SPG11: variants seen among roughly 807,000 people sequenced by gnomAD.
SPG11 encodes the protein SPG11 vesicle trafficking associated, spatacsin.
Under a neutral mutation model 274.0 loss-of-function variants are expected in SPG11, and 222 were observed. The observed-to-expected ratio is 0.81, with a 90% CI of 0.73 to 0.91. The LOEUF is 0.91. SPG11 is among the 40% of genes least tolerant of loss of function. The pLI is 0.00. For synonymous variants in SPG11, 1,144 were observed against 1,039.7 expected (o/e 1.10, Z -1.93); for missense variants, 3,114 against 2,872.7 (o/e 1.08, Z -1.92).
At chr15:44,635,891 T>TGAGTGACA (rs1289177253) in intron 7 of SPG11, among the ~76,000 whole-genome samples, 4 of 151,404 alleles carry the variant, frequency 2.6e-5, no homozygotes, top group Admixed American at 2.6e-4. Context: ...CACTCCAGCC[T>TGAGTGACA]GAGTGACAGA....
chr15:44,610,929 T>G lies in SPG11; in HGVS notation c.3202A>C (p.Asn1068His). The stretch of plus-strand genomic sequence containing the variant: ...AGCATACTGCTTACACTGGCCTGAT[T>G]GGTGGGAATCAAAATCTGAGCATTT... ...LANAQILIPT[N>H]QASVSSMLLE... is the part of the protein sequence containing the mutation. Residue 1068 changes from asparagine (N) to histidine (H), a missense_variant, in exon 18 of 40, where the codon AAT becomes CAT. Transcript: ENST00000261866. 3 of 1,613,844 alleles carry G rather than the reference T, an allele frequency of 1.9e-6. No individual in the cohort carries two copies. The highest frequency in any genetic ancestry group is 2.5e-6 in the Non-Finnish European group (3 of 1,179,934).
chr15:44,565,614 T>C (rs1049509507), intron 38 of SPG11, among the ~76,000 whole-genome samples: 2 of 152,224 alleles, frequency 1.3e-5, no homozygotes, highest in Non-Finnish European at 2.9e-5. Context: ...GCCTCTCTGC[T>C]GGCCTAACAG....
At chr15:44,632,492 C>CA (rs1387803829) in intron 8 of SPG11, among the ~76,000 whole-genome samples, 1 of 148,672 alleles carries the variant, frequency 6.7e-6, no homozygotes, top group East Asian at 1.9e-4. Flanking sequence ...GGTAATATGG[C>CA]AAAAAAGCAG....
intron 20 of SPG11, among the ~76,000 whole-genome samples, chr15:44,602,300 G>A (rs891472002): frequency 6.6e-6 from 1 of 152,064 alleles, no homozygotes; most frequent in African/African-American, 2.4e-5. Context: ...TCTGATCTTA[G>A]AGGAAAAGCT....
chr15:44,601,267 AT>A (rs923126733), intron 20 of SPG11, among the ~76,000 whole-genome samples: 31 of 148,778 alleles, frequency 2.1e-4, no homozygotes, highest in Non-Finnish European at 3.4e-4. Flanking sequence ...TTGATTTTTT[AT>A]TTTTTTTTTT....
At chr15:44,566,090 C>T (rs1052383833) in intron 37 of SPG11, 81 bp from the exon 38 acceptor site, 2 of 1,594,650 alleles carry the variant, frequency 1.3e-6, no homozygotes, top group African/African-American at 1.3e-5. Context: ...CGGTATTCAC[C>T]CCTTCTGTTC....
At chr15:44,564,489 T>G in intron 39 of SPG11, 58 bp downstream of exon 39, 2 of 1,580,700 alleles carry the variant, frequency 1.3e-6, no homozygotes, top group Non-Finnish European at 1.7e-6. Flanking sequence ...TTCTTACACT[T>G]GTCTCACCTC....
Position 44,649,042 on chromosome 15 carries a change from A to AATTAG in SPG11, c.1457-36_1457-32dup, listed in dbSNP as rs754794195. ...GGAAAAATAAAAGTTAGCTTTAACAAATTAGATTAGATTTTAGGATTATGA... is the reference window on the plus strand; with the variant it reads ...GGAAAAATAAAAGTTAGCTTTAACAAATTAGATTAGATTAGATTTTAGGATTATGA... On this transcript the variant is annotated intron_variant, in intron 6 of 39. Coordinates refer to ENST00000261866, the MANE Select transcript of SPG11 (RefSeq NM_025137.4). 16 of 1,559,810 alleles carry AATTAG rather than the reference A, an allele frequency of 1.0e-5. No homozygotes were observed. The African/African-American group carries it at 1.9e-4, about 18-fold the overall frequency.
At chr15:44,598,218 G>A in intron 23 of SPG11, 47 bp downstream of exon 23, 1 of 1,427,992 alleles carries the variant, frequency 7.0e-7, no homozygotes, top group Non-Finnish European at 9.9e-7. Flanking sequence ...ACACAGGTTG[G>A]CACAATAAGC....
chr15:44,632,690 T>C (rs956085923), intron 8 of SPG11, among the ~76,000 whole-genome samples: 6 of 151,974 alleles, frequency 3.9e-5, no homozygotes, highest in African/African-American at 1.5e-4. Flanking sequence ...AAAATTCTTT[T>C]GTAGAATGGG....
rs765481566 is a variant in SPG11 at position 44,592,447 on chromosome 15, AAG to A, written c.4636-11_4636-10del. 4.6e-6 allele frequency: 7 copies of A among 1,513,262 alleles called. No homozygotes were observed. In the African/African-American group the frequency reaches 5.5e-5, roughly 12 times the overall value. The allele number at this position is 1,513,262 out of a possible 1,614,324, so 93.7% of individuals were successfully genotyped here. On this transcript the variant is annotated splice_polypyrimidine_tract_variant and intron_variant, in intron 26 of 39. Transcript: ENST00000261866. The stretch of plus-strand genomic sequence containing the variant: ...AGTAGTAACGGGGAATCCTTTGACA[AAG>A]AGTTTGAAAAAAATTACAAAATTTT...
intron 12 of SPG11, 156 bp downstream of exon 12, chr15:44,622,572 A>G: frequency 1.3e-6 from 1 of 768,218 alleles, no homozygotes; most frequent in Non-Finnish European, 2.1e-6. Context: ...AAGAAAGATG[A>G]AGGGGAAAAA....
intron 30 of SPG11, among the ~76,000 whole-genome samples, chr15:44,580,694 A>C (rs1292749571): frequency 6.6e-6 from 1 of 152,178 alleles, no homozygotes; most frequent in Non-Finnish European, 1.5e-5. Flanking sequence ...GGGAGGCTGA[A>C]GCAGGACAAT....
chr15:44,597,110 C>CTTTTT (rs201600828), intron 23 of SPG11, 167 bp from the exon 24 acceptor site: 11 of 345,720 alleles, frequency 3.2e-5, no homozygotes, highest in African/African-American at 1.8e-4. Context: ...AAAGTAGATT[C>CTTTTT]TTTTTTTTTT....
chr15:44,566,690 A>T (rs1000394755), intron 36 of SPG11, among the ~76,000 whole-genome samples: 1 of 152,074 alleles, frequency 6.6e-6, no homozygotes, highest in South Asian at 2.1e-4. Flanking sequence ...CTGCTGAGCG[A>T]CATACCCACC....
rs577035995 is a variant in SPG11, at chr15:44,580,517, G to A, written c.5866+3297C>T. On this transcript the variant is annotated intron_variant, in intron 30 of 39. Transcript: ENST00000261866. ...GAACTGGCCAGGCACAGAGGCTCACGCCTGTAATCCCAGCACTTTGGGAGG... is the reference window on the plus strand; with the variant it reads ...GAACTGGCCAGGCACAGAGGCTCACACCTGTAATCCCAGCACTTTGGGAGG... Among the ~76,000 whole-genome samples, 38 of 152,350 alleles carry A rather than the reference G, an allele frequency of 2.5e-4. No individual in the cohort carries two copies. The East Asian group carries it at 6.2e-3, about 25-fold the overall frequency.
intron 26 of SPG11, among the ~76,000 whole-genome samples, chr15:44,594,095 T>C (rs2082971167): frequency 6.6e-6 from 1 of 151,526 alleles, no homozygotes; most frequent in Admixed American, 6.6e-5. Context: ...TATTTTCACA[T>C]AGGATTATTG....
intron 36 of SPG11, among the ~76,000 whole-genome samples, chr15:44,566,718 A>AGAT (rs1167713275): frequency 6.6e-6 from 1 of 151,984 alleles, no homozygotes; most frequent in Non-Finnish European, 1.5e-5. Context: ...TCTTTTTTTG[A>AGAT]GATGGAGTCA....
chr15:44,646,682 C>T (rs1358025345), intron 7 of SPG11, among the ~76,000 whole-genome samples: 2 of 152,282 alleles, frequency 1.3e-5, no homozygotes, highest in Non-Finnish European at 2.9e-5. Context: ...TGCAGCAACA[C>T]GGATGGAGCT....
Sources: allele counts gnomAD v4.1 joint callset (sites outside exome capture counted in the v4.1 genomes callset), GRCh38; gene constraint gnomAD v4.1.1; transcripts MANE v1.5; gene names NCBI Gene and HGNC (gene_info 2026-07-23, HGNC 2026-07-21).